The following MMADHC variants were observed in gnomAD, a reference collection of about 807,000 sequenced individuals.
MMADHC encodes metabolism of cobalamin associated D, also known as cobalamin trafficking protein CblD.
A neutral mutation model predicts 36.3 loss-of-function variants in MMADHC; 23 were observed. That is an observed-to-expected ratio of 0.63 (90% CI 0.46 to 0.90). The LOEUF is 0.90. Ranked by LOEUF, MMADHC falls within the 40% of genes least tolerant of loss-of-function variation. The pLI is 0.00. For synonymous variants in MMADHC, 97 were observed against 116.1 expected, an observed-to-expected ratio of 0.84 and a Z score of 1.06; for missense variants, 330 against 348.0, an observed-to-expected ratio of 0.95 and a Z score of 0.41.
At chr2:149,570,519 T>C (rs889025696) in intron 7 of MMADHC, among the ~76,000 whole-genome samples, 2 of 152,206 alleles carry the variant, frequency 1.3e-5, no homozygotes, top group Non-Finnish European at 2.9e-5. Context: ...GATTATATCT[T>C]ATTTGACTTT....
chr2:149,572,317 C>CGA (rs886447813), intron 6 of MMADHC: 4 of 208,106 alleles, frequency 1.9e-5, no homozygotes, highest in African/African-American at 3.3e-5. Flanking sequence ...CCGGCCTGGG[C>CGA]GAGAGAGACT....
intron 6 of MMADHC, among the ~76,000 whole-genome samples, chr2:149,573,248 A>G (rs184161157): frequency 6.8e-6 from 1 of 146,806 alleles, no homozygotes; most frequent in East Asian, 1.9e-4. Flanking sequence ...TAGTTTTCAA[A>G]CAAACAAACA....
chr2:149,581,721 G>A (rs941969767), intron 3 of MMADHC, among the ~76,000 whole-genome samples: 3 of 152,206 alleles, frequency 2.0e-5, no homozygotes, highest in African/African-American at 4.8e-5. Flanking sequence ...CATGGTAGTG[G>A]TGTACCAAAC....
chr2:149,572,334 C>CA, intron 6 of MMADHC: 4 of 13,960 alleles, frequency 2.9e-4, no homozygotes, highest in South Asian at 5.7e-4. Context: ...GACTCCGTCT[C>CA]CAAAAAAAAA....
At position 149,569,698 on chromosome 2, in the gene MMADHC, A is replaced by G. The variant is rs1177044990; in HGVS notation, c.*276T>C. On this transcript the variant is annotated 3_prime_UTR_variant, in exon 8 of 8. Transcript: ENST00000303319. ...TAATTAAAACTGAGGCCTTTTTCCA[A>G]TAAAGAGGAGAAATAACAATAGCAG... The G allele has an allele frequency of 3.9e-6, 1 of 255,168 alleles. No homozygotes were observed. The highest frequency in any genetic ancestry group is 5.1e-5 in the Admixed American group (1 of 19,700). 15.8% of individuals were successfully genotyped at this position (255,168 alleles called of 1,614,324 possible).
Position 149,579,500 on chromosome 2 carries a change from A to C in MMADHC, c.303T>G (p.Asp101Glu). ...CACTTGATAAAGGTTCTGCTAGAAC[A>C]TCAGGCAAAGTTTTATGAACCAGGC... Reference protein sequence around the residue: ...KKSLVHKTLPDVLAEPLSSER... With the variant: ...KKSLVHKTLPEVLAEPLSSER... Residue 101 changes from aspartate to glutamate, a missense_variant, in exon 4 of 8, where the codon GAT becomes GAG. Asp to Glu is a conservative substitution (Grantham distance 45). Coordinates refer to ENST00000303319, the MANE Select transcript of MMADHC (RefSeq NM_015702.3). The C allele has an allele frequency of 6.2e-7, 1 of 1,613,174 alleles. No homozygotes were observed. The highest frequency in any genetic ancestry group is 8.5e-7 in the Non-Finnish European group (1 of 1,180,000).
intron 1 of MMADHC, 99 bp from the exon 2 acceptor site, chr2:149,587,248 G>A: frequency 2.6e-6 from 2 of 758,838 alleles, no homozygotes; most frequent in South Asian, 1.5e-5. Context: ...CGTCCACCAC[G>A]TCAGGACCAA....
intron 2 of MMADHC, among the ~76,000 whole-genome samples, chr2:149,585,598 T>A (rs1682855045): frequency 6.6e-6 from 1 of 152,196 alleles, no homozygotes; most frequent in Non-Finnish European, 1.5e-5. Flanking sequence ...CCAAATGGCA[T>A]TAGTTAGCAA....
At chr2:149,570,541 GTA>G (rs1558844818) in intron 7 of MMADHC, among the ~76,000 whole-genome samples, 1 of 152,100 alleles carries the variant, frequency 6.6e-6, no homozygotes, top group Non-Finnish European at 1.5e-5. Flanking sequence ...AGAAGAAATG[GTA>G]TATATTCCTA....
At chr2:149,586,648 A>G (rs1383690967) in intron 2 of MMADHC, among the ~76,000 whole-genome samples, 1 of 152,236 alleles carries the variant, frequency 6.6e-6, no homozygotes, top group African/African-American at 2.4e-5. Flanking sequence ...GTTACAGTCA[A>G]TAAATATCTC....
In MMADHC at chr2:149,576,460, G is replaced by C. The variant is rs146795035; in HGVS notation, c.455C>G (p.Thr152Arg). 146 of 1,611,690 alleles carry C rather than the reference G, an allele frequency of 9.1e-5. No homozygotes were observed. In the African/African-American group the frequency reaches 1.9e-3, roughly 21 times the overall value. Reference protein sequence around the residue: ...ESARVECAIQTCPELLRKDFE... With the variant: ...ESARVECAIQRCPELLRKDFE... ...ACCTTTTCGCAGCAATTCTGGACAT[G>C]TCTGTATTGCACACTCTACTCTGGC... Residue 152 changes from threonine to arginine, a missense_variant, in exon 5 of 8, where the codon ACA (threonine) becomes AGA (arginine). By Grantham distance (71) the Thr-to-Arg change is moderately conservative. Coordinates refer to ENST00000303319, the MANE Select transcript of MMADHC (RefSeq NM_015702.3).
Position 149,582,199 on chromosome 2 carries a change from G to C in MMADHC, c.82C>G (p.Pro28Ala), listed in dbSNP as rs1319731753. The C allele has an allele frequency of 1.2e-6, 2 of 1,613,914 alleles. No individual in the cohort carries two copies. Among genetic ancestry groups the C allele is most frequent in the Non-Finnish European group, 1.7e-6 (2 of 1,179,870 alleles). Reference protein sequence around the residue: ...FCSLVKRVVNPKAFSTAGSSG... With the variant: ...FCSLVKRVVNAKAFSTAGSSG... ...GATCCTGCAGTCGAAAAGGCTTTGGGATTGACAACCCTTTTAACTAAAGAG... is the reference window on the plus strand; with the variant it reads ...GATCCTGCAGTCGAAAAGGCTTTGGCATTGACAACCCTTTTAACTAAAGAG... Residue 28 changes from proline to alanine, a missense_variant, in exon 3 of 8, where the codon CCC becomes GCC. By Grantham distance (27) the Pro-to-Ala change is conservative (BLOSUM62 -1). Transcript: ENST00000303319.
intron 7 of MMADHC, 124 bp downstream of exon 7, chr2:149,570,961 T>C: frequency 1.3e-6 from 1 of 781,520 alleles, no homozygotes; most frequent in South Asian, 1.7e-5. Context: ...CACAGTAGTA[T>C]TTCTTTGGGT....
chr2:149,575,035 C>A (rs753085220), intron 6 of MMADHC, among the ~76,000 whole-genome samples: 1 of 152,122 alleles, frequency 6.6e-6, no homozygotes, highest in African/African-American at 2.4e-5. Context: ...TTCAAGCAAT[C>A]CTCCAGCCTC....
intron 2 of MMADHC, chr2:149,586,828 G>A: frequency 2.1e-6 from 1 of 483,672 alleles, no homozygotes; most frequent in Non-Finnish European, 3.7e-6. Flanking sequence ...CTGAAACGCT[G>A]TATTTAAAAA....
rs1268371654 is a variant in MMADHC at position 149,575,786 on chromosome 2, T to C, written c.534A>G (p.Val178=). The C allele has an allele frequency of 1.2e-6, 2 of 1,609,282 alleles. No individual in the cohort carries two copies. The highest frequency in any genetic ancestry group is 1.7e-6 in the Non-Finnish European group (2 of 1,176,402). The stretch of plus-strand genomic sequence containing the variant: ...TCATATCATTCTTAGTTTTTTGTGT[T>C]ACAGTCAGAATCATTAGTTTGCCAT... ...VANGKLMILT[V]TQKTKNDMTV... is the part of the protein sequence containing the mutation. Residue 178 remains valine (V), a synonymous_variant, in exon 6 of 8, where the codon GTA becomes GTG. Transcript: ENST00000303319.
At chr2:149,587,278 C>A in intron 1 of MMADHC, 129 bp from the exon 2 acceptor site, 1 of 660,644 alleles carries the variant, frequency 1.5e-6, no homozygotes, top group South Asian at 1.7e-5. Context: ...TCTCCCCGTA[C>A]CCTAAGGAGG....
At chr2:149,570,782 A>T (rs1366308461) in intron 7 of MMADHC, among the ~76,000 whole-genome samples, 1 of 152,198 alleles carries the variant, frequency 6.6e-6, no homozygotes, top group African/African-American at 2.4e-5. Flanking sequence ...GTACCAATTT[A>T]TAATTTTCAA....
intron 6 of MMADHC, among the ~76,000 whole-genome samples, chr2:149,573,461 G>A (rs998638361): frequency 6.6e-6 from 1 of 152,072 alleles, no homozygotes; most frequent in Non-Finnish European, 1.5e-5. Context: ...TTAGCTGTTT[G>A]TAACACTCAA....
Sources: gnomAD v4.1 joint callset for allele counts (sites outside exome capture counted in the v4.1 genomes callset) on GRCh38, gnomAD v4.1.1 for gene constraint, MANE v1.5 for transcripts, NCBI Gene and HGNC (gene_info 2026-07-23, HGNC 2026-07-21) for gene names.